Variants in KDM5B observed in about 807,000 individuals in gnomAD.
KDM5B encodes the protein lysine-specific demethylase 5B.
KDM5B carries 144 observed loss-of-function variants against 193.4 expected under a neutral mutation model. That is an observed-to-expected ratio of 0.74 (90% confidence interval 0.65 to 0.86). The LOEUF (loss-of-function observed/expected upper bound fraction) is 0.86, where lower values mean the gene tolerates loss of function less well. KDM5B is among the 40% of genes least tolerant of loss of function. The pLI is 0.00. For synonymous variants in KDM5B, 668 were observed against 682.6 expected, an observed-to-expected ratio of 0.98 and a Z score of 0.33; for missense variants, 1,833 against 1,886.9, an observed-to-expected ratio of 0.97 and a Z score of 0.53.
intron 1 of KDM5B, among the ~76,000 whole-genome samples, chr1:202,797,632 G>A (rs1362904249): frequency 6.6e-6 from 1 of 151,974 alleles, no homozygotes; most frequent in Non-Finnish European, 1.5e-5. Flanking sequence ...TTCAACTATT[G>A]ACCCCTCCTG....
intron 26 of KDM5B, 192 bp from the exon 27 acceptor site, chr1:202,729,365 C>A: frequency 1.5e-6 from 1 of 650,966 alleles, no homozygotes; most frequent in Non-Finnish European, 2.6e-6. Context: ...CAAAGTCATT[C>A]TTCAAGTCGT....
chr1:202,780,817 T>C (rs1433396528), intron 1 of KDM5B, among the ~76,000 whole-genome samples: 2 of 150,932 alleles, frequency 1.3e-5, no homozygotes, highest in Non-Finnish European at 2.9e-5. Flanking sequence ...TACATATATA[T>C]GTGGCAAAAG....
intron 1 of KDM5B, among the ~76,000 whole-genome samples, chr1:202,788,042 C>A (rs1657483388): frequency 6.6e-6 from 1 of 152,184 alleles, no homozygotes; most frequent in Non-Finnish European, 1.5e-5. Context: ...CTATTGAACG[C>A]CCTGCAGAAC....
At chr1:202,760,992 C>A (rs917640191) in intron 7 of KDM5B, among the ~76,000 whole-genome samples, 2 of 150,760 alleles carry the variant, frequency 1.3e-5, no homozygotes, top group Non-Finnish European at 2.9e-5. Context: ...TGCACCACTG[C>A]GCTCTAGCCT....
intron 3 of KDM5B, among the ~76,000 whole-genome samples, chr1:202,773,737 CTT>C (rs35598184): frequency 0.063 from 8,819 of 140,668 alleles, 443 homozygotes; most frequent in East Asian, 0.25. Context: ...GGCTCAGCTT[CTT>C]TTTTTTTTTT....
chr1:202,788,538 G>C (rs1477400391), intron 1 of KDM5B, among the ~76,000 whole-genome samples: 1 of 151,382 alleles, frequency 6.6e-6, no homozygotes, highest in African/African-American at 2.4e-5. Flanking sequence ...AATAAAACTT[G>C]GCAATAATAA....
intron 8 of KDM5B, among the ~76,000 whole-genome samples, chr1:202,760,003 C>T (rs967437887): frequency 6.6e-6 from 1 of 152,132 alleles, no homozygotes; most frequent in Non-Finnish European, 1.5e-5. Context: ...TCATTACTGT[C>T]GACTGCCAAA....
At position 202,729,722 on chromosome 1, in the gene KDM5B, C is replaced by G. The variant is rs1219392503; in HGVS notation, c.4482G>C (p.Gln1494His). The G allele has an allele frequency of 6.2e-7, 1 of 1,613,378 alleles. No homozygotes were observed. The highest frequency in any genetic ancestry group is 8.5e-7 in the Non-Finnish European group (1 of 1,179,518). Residue 1494 changes from glutamine to histidine, a missense_variant, in exon 26 of 27, where the codon CAG becomes CAC. Coordinates refer to ENST00000367265, the MANE Select transcript of KDM5B (RefSeq NM_006618.5). ...DAICPAVSCL[Q>H]PEGDEVDWVQ... ...CCTCACTGACCTCATCTCCTTCTGG[C>G]TGCAGGCAGCTCACAGCTGGGCAGA...
In KDM5B at chr1:202,728,510, G is replaced by A; in HGVS notation, c.*526C>T. The A allele has an allele frequency of 6.5e-6, 1 of 153,406 alleles. No homozygotes were observed. The allele number at this position is 153,406 out of a possible 1,614,324, so 9.5% of individuals were successfully genotyped here. On this transcript the variant is annotated 3_prime_UTR_variant, in exon 27 of 27. Transcript: ENST00000367265. Reference sequence around the variant, plus strand: ...CAGATAAATAAACCTAGTCTACCAGGAAGAAGAAAAGTGGATAAAGGAAAA... The same window carrying A: ...CAGATAAATAAACCTAGTCTACCAGAAAGAAGAAAAGTGGATAAAGGAAAA...
chr1:202,779,470 C>G (rs1657102827), intron 1 of KDM5B, among the ~76,000 whole-genome samples: 1 of 150,782 alleles, frequency 6.6e-6, no homozygotes, highest in Admixed American at 6.6e-5. Flanking sequence ...CAGAGCGAGA[C>G]TCCGTCTCAA....
intron 23 of KDM5B, 51 bp downstream of exon 23, chr1:202,733,350 G>C (rs376110209): frequency 7.0e-6 from 11 of 1,582,730 alleles, no homozygotes; most frequent in Non-Finnish European, 9.5e-6. Context: ...CGAGAGAAAG[G>C]TACAGAGCTT....
At chr1:202,756,315 A>G (rs1558495240) in intron 10 of KDM5B, 43 bp downstream of exon 10, 1 of 1,507,958 alleles carries the variant, frequency 6.6e-7, no homozygotes, top group South Asian at 1.3e-5. Context: ...ACCAAACAGA[A>G]TTTCAATAAA....
intron 1 of KDM5B, chr1:202,797,099 C>CA (rs1386079563): frequency 6.6e-6 from 1 of 152,312 alleles, no homozygotes; most frequent in African/African-American, 2.4e-5. Context: ...CTGGGCCATT[C>CA]AAAGGGGCAA....
intron 1 of KDM5B, among the ~76,000 whole-genome samples, chr1:202,789,904 G>A (rs1196693159): frequency 6.6e-6 from 1 of 151,970 alleles, no homozygotes; most frequent in Non-Finnish European, 1.5e-5. Context: ...TTCCAGCCTG[G>A]GAAACACAAG....
At chr1:202,791,364 C>T (rs536909860) in intron 1 of KDM5B, among the ~76,000 whole-genome samples, 60 of 152,312 alleles carry the variant, frequency 3.9e-4, no homozygotes, top group Admixed American at 3.5e-3. Flanking sequence ...AGAGTTGAGA[C>T]TTCAGAAATA....
At chr1:202,753,664 G>A (rs868353990) in intron 11 of KDM5B, among the ~76,000 whole-genome samples, 1 of 105,786 alleles carries the variant, frequency 9.5e-6, no homozygotes, top group African/African-American at 2.9e-5. Context: ...TGTTGTTGTT[G>A]TTTTTTTTTT....
chr1:202,805,575 T>G (rs1658258122), intron 1 of KDM5B, among the ~76,000 whole-genome samples: 1 of 152,248 alleles, frequency 6.6e-6, no homozygotes, highest in Admixed American at 6.5e-5. Flanking sequence ...ACCATTTGTG[T>G]TCCAAAAACT....
At chr1:202,783,600 G>A (rs767872630) in intron 1 of KDM5B, among the ~76,000 whole-genome samples, 79 of 152,318 alleles carry the variant, frequency 5.2e-4, no homozygotes, top group African/African-American at 1.6e-3. Context: ...AGTTCAGGCC[G>A]GGTGCAGTGG....
chr1:202,804,981 AC>A (rs1658235292), intron 1 of KDM5B, among the ~76,000 whole-genome samples: 1 of 152,182 alleles, frequency 6.6e-6, no homozygotes, highest in African/African-American at 2.4e-5. Context: ...AATTTGGGAG[AC>A]AAAAAAGTAT....
Sources: gnomAD v4.1 joint callset for allele counts (sites outside exome capture counted in the v4.1 genomes callset) on GRCh38, gnomAD v4.1.1 for gene constraint, MANE v1.5 for transcripts, NCBI Gene and HGNC (gene_info 2026-07-23, HGNC 2026-07-21) for gene names.